Variants in GRM4 observed in about 807,000 individuals in gnomAD.
GRM4 encodes metabotropic glutamate receptor 4.
Under a neutral mutation model 81.7 loss-of-function variants are expected in GRM4, and 28 were observed. The observed-to-expected ratio is 0.34, with a 90% CI of 0.25 to 0.47. GRM4 has a LOEUF of 0.47. Among genes scored for constraint, GRM4 ranks in the 20% least tolerant of loss-of-function variants. The pLI is 1.00. For missense variants in GRM4, 948 were observed against 1,290.0 expected (o/e 0.73, Z 4.06); for synonymous variants, 488 against 528.8 (o/e 0.92, Z 1.06).
Position 34,032,253 on chromosome 6 carries a change from C to CACATGCACCACTGAGCATGT in GRM4, c.2442+3395_2442+3414dup, listed in dbSNP as rs1562010185. Among the ~76,000 whole-genome samples, 10 of 152,286 alleles carry CACATGCACCACTGAGCATGT rather than the reference C, an allele frequency of 6.6e-5. No individual in the cohort carries two copies. The South Asian group carries it at 2.1e-3, about 32-fold the overall frequency. On this transcript the variant is annotated intron_variant, in intron 9 of 10. Transcript: ENST00000538487. ...GGCACACACCTGTGCACACACACCA[C>CACATGCACCACTGAGCATGT]ACATGCACCACTGAGCATGTACATG... is the stretch of plus-strand genomic sequence containing the variant.
In GRM4 at chr6:34,047,180, A is replaced by G. The variant is rs1268460554; in HGVS notation, c.1169-6432T>C. On this transcript the variant is annotated intron_variant, in intron 6 of 10. Transcript: ENST00000538487. This position sits in a 1 kb window ranked among gnomAD's most constrained non-coding sequence, Gnocchi z 4.5. ...TGCACAGAAGTCCTCTCTCAGCCTC[A>G]GCTCTCCTTTCCTCCCTGACACGCC... Among the ~76,000 whole-genome samples, 2 of 152,056 alleles carry G rather than the reference A, an allele frequency of 1.3e-5. No homozygotes were observed. The highest frequency in any genetic ancestry group is 2.9e-5 in the Non-Finnish European group (2 of 68,008).
At chr6:34,140,601 C>T (rs1358524945) in intron 1 of GRM4, among the ~76,000 whole-genome samples, 7 of 152,212 alleles carry the variant, frequency 4.6e-5, no homozygotes, top group Non-Finnish European at 8.8e-5. Context: ...CCTTCCTCCT[C>T]TCCCAGAGCC....
rs75753632 is a variant in GRM4, at chr6:34,130,519, C to T, written c.519+2459G>A. ...ACCCCCAGGATGGTAAGGCTCTTCA[C>T]CCCAGGCCCCTCACCCCACCCTGGC... On this transcript the variant is annotated intron_variant, in intron 2 of 10. Transcript: ENST00000538487. This position sits in a 1 kb window ranked among gnomAD's most constrained non-coding sequence, Gnocchi z 4.1. 0.022 allele frequency among the ~76,000 whole-genome samples: 3,412 copies of T among 152,292 alleles called. 98 individuals are homozygous for T. Among genetic ancestry groups the T allele is most frequent in the African/African-American group, 0.07 (2,927 of 41,542 alleles).
At position 34,130,354 on chromosome 6, in the gene GRM4, G is replaced by A. The variant is rs116140547; in HGVS notation, c.519+2624C>T. Among the ~76,000 whole-genome samples the A allele has an allele frequency of 6.8e-3, 1,036 of 152,082 alleles. 3 individuals are homozygous for A. Among genetic ancestry groups the A allele is most frequent in the Non-Finnish European group, 0.011 (716 of 67,974 alleles). ...TCCACTCCCCAGGTCTCTACCTCCC[G>A]GTCCTGCCTTGCTCTCTGTGCAGCC... On this transcript the variant is annotated intron_variant, in intron 2 of 10. Transcript: ENST00000538487. The surrounding 1 kb of genome is among the most constrained non-coding windows in gnomAD (Gnocchi z 4.1).
At chr6:34,143,960 G>C (rs1274576927) in intron 1 of GRM4, among the ~76,000 whole-genome samples, 4 of 152,240 alleles carry the variant, frequency 2.6e-5, no homozygotes, top group Non-Finnish European at 4.4e-5. Context: ...GGCAGCCACC[G>C]CTCTGAGAGA....
intron 3 of GRM4, among the ~76,000 whole-genome samples, chr6:34,084,160 G>A (rs926731521): frequency 2.6e-5 from 4 of 152,202 alleles, no homozygotes; most frequent in South Asian, 2.1e-4. Flanking sequence ...CAGCCTGTCC[G>A]TGCCAGCTGG....
chr6:34,121,296 GCT>G lies in GRM4; in HGVS notation c.519+11680_519+11681del, dbSNP rs1561825305. On this transcript the variant is annotated intron_variant, in intron 2 of 10. Transcript: ENST00000538487. This position sits in a 1 kb window ranked among gnomAD's most constrained non-coding sequence, Gnocchi z 4.6. ...GATTAAGGGTTGTTCTCTTCCAGCTGCTCTGCTGTGGGGACCTCACTGGACTC... is the reference window on the plus strand; with the variant it reads ...GATTAAGGGTTGTTCTCTTCCAGCTGCTGCTGTGGGGACCTCACTGGACTC... Among the ~76,000 whole-genome samples the G allele has an allele frequency of 6.6e-6, 1 of 152,182 alleles. No homozygotes were observed. Among genetic ancestry groups the G allele is most frequent in the Non-Finnish European group, 1.5e-5 (1 of 68,044 alleles).
At chr6:34,128,147 C>T (rs543939639) in intron 2 of GRM4, among the ~76,000 whole-genome samples, 2 of 152,298 alleles carry the variant, frequency 1.3e-5, no homozygotes, top group East Asian at 1.9e-4. Flanking sequence ...GTGCTGCACT[C>T]GTGGCAGGAA....
At position 34,019,627 on chromosome 6, in the gene GRM4, G is replaced by C. The variant is rs978953093; in HGVS notation, c.*3194C>G. 7 of 152,230 alleles carry C rather than the reference G, an allele frequency of 4.6e-5. No individual in the cohort carries two copies. The highest frequency in any genetic ancestry group is 1.7e-4 in the African/African-American group (7 of 41,416). The allele number at this position is 152,230 out of a possible 1,614,324, so 9.4% of individuals were successfully genotyped here. On this transcript the variant is annotated 3_prime_UTR_variant, in exon 11 of 11. Coordinates refer to ENST00000538487, the MANE Select transcript of GRM4 (RefSeq NM_000841.4). ...GTCTGCTAGCCCAATCCTTCATTCAGACATTGAGGAGGCTGAGGCCACGGG... is the reference window on the plus strand; with the variant it reads ...GTCTGCTAGCCCAATCCTTCATTCACACATTGAGGAGGCTGAGGCCACGGG...
Position 34,022,596 on chromosome 6 carries a change from T to C in GRM4, c.*225A>G. ...GGCAATGGTCCAAGACGCAGGTTCTTGTGGTAGCCTGGCACCGCCCCGGCC... is the reference window on the plus strand; with the variant it reads ...GGCAATGGTCCAAGACGCAGGTTCTCGTGGTAGCCTGGCACCGCCCCGGCC... On this transcript the variant is annotated 3_prime_UTR_variant, in exon 11 of 11. Transcript: ENST00000538487. This position sits in a 1 kb window ranked among gnomAD's most constrained non-coding sequence, Gnocchi z 5.6. 1 of 581,644 alleles carries C rather than the reference T, an allele frequency of 1.7e-6. No homozygotes were observed. Among genetic ancestry groups the C allele is most frequent in the Non-Finnish European group, 3.1e-6 (1 of 324,440 alleles). The allele number at this position is 581,644 out of a possible 1,614,324, so 36.0% of individuals were successfully genotyped here.
intron 2 of GRM4, among the ~76,000 whole-genome samples, chr6:34,118,590 C>A (rs894879892): frequency 6.6e-6 from 1 of 152,218 alleles, no homozygotes; most frequent in Admixed American, 6.5e-5. Context: ...ACTGTGAAAG[C>A]CTGTAAATTG....
At position 34,121,180 on chromosome 6, in the gene GRM4, G is replaced by A. The variant is rs74727648; in HGVS notation, c.519+11798C>T. Among the ~76,000 whole-genome samples, 2,144 of 152,118 alleles carry A rather than the reference G, an allele frequency of 0.014. 51 individuals are homozygous for A. The highest frequency in any genetic ancestry group is 0.11 in the East Asian group (578 of 5,164). ...CTCCTCTCAGAACAGTCCTGACCCC[G>A]GAAACCACTCACCCTCACACACCGC... On this transcript the variant is annotated intron_variant, in intron 2 of 10. Transcript: ENST00000538487. This position sits in a 1 kb window ranked among gnomAD's most constrained non-coding sequence, Gnocchi z 4.6.
chr6:34,132,049 C>T (rs1049627627), intron 2 of GRM4, among the ~76,000 whole-genome samples: 1 of 152,140 alleles, frequency 6.6e-6, no homozygotes, highest in African/African-American at 2.4e-5. Context: ...TGGTAAAATG[C>T]TTGTAATGTT....
At chr6:34,026,119 C>T (rs571254042) in intron 10 of GRM4, among the ~76,000 whole-genome samples, 48 of 152,216 alleles carry the variant, frequency 3.2e-4, no homozygotes, top group African/African-American at 1.0e-3. Flanking sequence ...CCCTTGTCTC[C>T]GCACCCAATC....
intron 1 of GRM4, among the ~76,000 whole-genome samples, chr6:34,140,556 C>T (rs940496366): frequency 6.6e-5 from 10 of 152,158 alleles, no homozygotes; most frequent in South Asian, 4.1e-4. Context: ...AGCCCTTGGG[C>T]CTCCCTGCTC....
chr6:34,035,557 C>CAGGAAAGAAGGCAGA lies in GRM4; in HGVS notation c.2442+110_2442+111insTCTGCCTTCTTTCCT. The CAGGAAAGAAGGCAGA allele has an allele frequency of 2.7e-6, 1 of 374,652 alleles. No homozygotes were observed. 23.2% of individuals were successfully genotyped at this position (374,652 alleles called of 1,614,324 possible). On this transcript the variant is annotated intron_variant, in intron 9 of 10. Transcript: ENST00000538487. This position sits in a 1 kb window ranked among gnomAD's most constrained non-coding sequence, Gnocchi z 6.6. ...AGGCAAGAAAGAAGGCAGAATGAGG[C>CAGGAAAGAAGGCAGA]ATGAAAGAAGGCATTTCTGGAGCAG...
intron 2 of GRM4, among the ~76,000 whole-genome samples, chr6:34,106,728 A>G (rs1020582529): frequency 4.6e-5 from 7 of 152,232 alleles, no homozygotes; most frequent in African/African-American, 1.7e-4. Flanking sequence ...CGTCAGTCCC[A>G]TGAGGGCAGG....
At chr6:34,025,084 A>G (rs182965771) in intron 10 of GRM4, among the ~76,000 whole-genome samples, 3 of 151,738 alleles carry the variant, frequency 2.0e-5, no homozygotes, top group African/African-American at 7.3e-5. Flanking sequence ...GAGGCCTCAC[A>G]CTCTCTCTGA....
intron 1 of GRM4, among the ~76,000 whole-genome samples, chr6:34,144,341 G>A (rs1000717069): frequency 9.9e-5 from 15 of 152,160 alleles, no homozygotes; most frequent in African/African-American, 3.6e-4. Flanking sequence ...ACCCCGGAGC[G>A]GGGACCCCCA....
Sources: allele counts gnomAD v4.1 joint callset (sites outside exome capture counted in the v4.1 genomes callset), GRCh38; gene constraint gnomAD v4.1.1; non-coding constraint Gnocchi (gnomAD v3.1); transcripts MANE v1.5; gene names NCBI Gene and HGNC (gene_info 2026-07-23, HGNC 2026-07-21).